RABGAP1L: variants seen among roughly 807,000 people sequenced by gnomAD.
The protein encoded by RABGAP1L is RAB GTPase activating protein 1 like, also known as rab GTPase-activating protein 1-like.
RABGAP1L carries 63 observed loss-of-function variants against 137.7 expected under a neutral mutation model. The ratio of observed to expected loss-of-function variants is 0.46; its 90% CI spans 0.37 to 0.56. The LOEUF is 0.56. Among genes scored for constraint, RABGAP1L ranks in the 20% least tolerant of loss-of-function variants. The pLI is 0.00. For synonymous variants in RABGAP1L, 431 were observed against 433.7 expected, an observed-to-expected ratio of 0.99 and a Z score of 0.08; for missense variants, 1,095 against 1,244.0, an observed-to-expected ratio of 0.88 and a Z score of 1.80.
intron 19 of RABGAP1L, 40 bp from the exon 20 acceptor site, chr1:174,957,417 G>A: frequency 6.7e-7 from 1 of 1,501,252 alleles, no homozygotes. Context: ...TTTCATAAAT[G>A]GTGTCCTTGT....
Position 174,469,480 on chromosome 1 carries a change from C to G in RABGAP1L, c.1710+75335C>G, listed in dbSNP as rs1195164958. Among the ~76,000 whole-genome samples, 5 of 152,154 alleles carry G rather than the reference C, an allele frequency of 3.3e-5. No homozygotes were observed. The East Asian group carries it at 9.6e-4, about 29-fold the overall frequency. Reference sequence around the variant, plus strand: ...CAGATTTTCAGCAACTACCTTAGTCCTCCTAAATCAGAATATCTACAATGT... The same window carrying G: ...CAGATTTTCAGCAACTACCTTAGTCGTCCTAAATCAGAATATCTACAATGT... On this transcript the variant is annotated intron_variant, in intron 13 of 25. Coordinates refer to ENST00000681986, the MANE Select transcript of RABGAP1L (RefSeq NM_001366446.1).
chr1:174,354,246 T>C (rs1473083985), intron 11 of RABGAP1L, among the ~76,000 whole-genome samples: 1 of 151,750 alleles, frequency 6.6e-6, no homozygotes, highest in Non-Finnish European at 1.5e-5. Flanking sequence ...TTCTTTTTTT[T>C]TTAAATTCAA....
chr1:174,244,129 A>G (rs1672057715), intron 5 of RABGAP1L, among the ~76,000 whole-genome samples: 1 of 152,124 alleles, frequency 6.6e-6, no homozygotes, highest in Admixed American at 6.5e-5. Flanking sequence ...TGGTTCCCAG[A>G]AGTTTTCTGT....
At chr1:174,172,644 T>G (rs1665513357) in intron 1 of RABGAP1L, among the ~76,000 whole-genome samples, 2 of 152,218 alleles carry the variant, frequency 1.3e-5, no homozygotes, top group Non-Finnish European at 2.9e-5. Context: ...TTTGTATGTC[T>G]TCTTTGGAAA....
At chr1:174,630,211 T>C (rs1340283167) in intron 13 of RABGAP1L, among the ~76,000 whole-genome samples, 4 of 148,522 alleles carry the variant, frequency 2.7e-5, no homozygotes, top group Non-Finnish European at 5.9e-5. Context: ...TTTGCGTATA[T>C]TGAACCAGCC....
rs1157661098 is a variant in RABGAP1L, at chr1:174,747,422, A to C, written c.2170-4891A>C. Reference sequence around the variant, plus strand: ...ATCTCTAAAAAAAAAAAAAAAAAAAAAAAACCTGATAGAATAACAAGTTCT... The same window carrying C: ...ATCTCTAAAAAAAAAAAAAAAAAAACAAAACCTGATAGAATAACAAGTTCT... On this transcript the variant is annotated intron_variant, in intron 17 of 25. Coordinates refer to ENST00000681986, the MANE Select transcript of RABGAP1L (RefSeq NM_001366446.1). 5.9e-5 allele frequency among the ~76,000 whole-genome samples: 9 copies of C among 151,654 alleles called. No individual in the cohort carries two copies. The East Asian group carries it at 9.7e-4, about 16-fold the overall frequency.
intron 7 of RABGAP1L, among the ~76,000 whole-genome samples, chr1:174,256,887 C>G (rs1265547272): frequency 1.3e-5 from 2 of 152,164 alleles, no homozygotes; most frequent in Admixed American, 1.3e-4. Context: ...TGGATCTAGT[C>G]TGTACTATGA....
At chr1:174,595,957 G>T (rs1270983664) in intron 13 of RABGAP1L, among the ~76,000 whole-genome samples, 1 of 102,630 alleles carries the variant, frequency 9.7e-6, no homozygotes, top group African/African-American at 6.0e-5. Flanking sequence ...CCCCAGCCTC[G>T]TTGCCGCCTT....
chr1:174,196,945 T>C (rs1009227619), intron 1 of RABGAP1L, among the ~76,000 whole-genome samples: 2 of 152,162 alleles, frequency 1.3e-5, no homozygotes, highest in Non-Finnish European at 2.9e-5. Flanking sequence ...GAATTTGAGA[T>C]GTTTTATAAC....
At chr1:174,483,441 A>G (rs1392156560) in intron 13 of RABGAP1L, among the ~76,000 whole-genome samples, 1 of 152,174 alleles carries the variant, frequency 6.6e-6, no homozygotes, top group Non-Finnish European at 1.5e-5. Flanking sequence ...TTCACGTTTC[A>G]TCCATGTTGT....
chr1:174,176,741 A>AAAAAAAAAAAAAATAAAAT (rs755688394), intron 1 of RABGAP1L, among the ~76,000 whole-genome samples: 3 of 111,778 alleles, frequency 2.7e-5, no homozygotes, highest in Non-Finnish European at 5.5e-5. Flanking sequence ...AAAAAAAAAA[A>AAAAAAAAAAAAAATAAAAT]AAAAAGGTCA....
intron 11 of RABGAP1L, among the ~76,000 whole-genome samples, chr1:174,306,463 G>C (rs1678258940): frequency 6.6e-6 from 1 of 152,176 alleles, no homozygotes; most frequent in African/African-American, 2.4e-5. Flanking sequence ...CATTCTAACT[G>C]GTGTGAGATG....
intron 13 of RABGAP1L, among the ~76,000 whole-genome samples, chr1:174,636,178 C>G (rs115640475): frequency 0.021 from 3,205 of 152,190 alleles, 51 homozygotes; most frequent in Middle Eastern, 0.085. Flanking sequence ...TAGAATTTCA[C>G]TCAATTTGGG....
intron 19 of RABGAP1L, among the ~76,000 whole-genome samples, chr1:174,877,971 T>C (rs924050454): frequency 2.0e-5 from 3 of 152,220 alleles, no homozygotes; most frequent in Admixed American, 6.5e-5. Flanking sequence ...CATCTGAGAA[T>C]TGAGCTACCT....
chr1:174,178,108 G>A (rs556308419), intron 1 of RABGAP1L, among the ~76,000 whole-genome samples: 28 of 152,246 alleles, frequency 1.8e-4, no homozygotes, highest in East Asian at 5.8e-4. Flanking sequence ...CTTCCTATCC[G>A]TGAGTATGGA....
At chr1:174,955,298 G>A (rs1668350626) in intron 19 of RABGAP1L, among the ~76,000 whole-genome samples, 1 of 152,188 alleles carries the variant, frequency 6.6e-6, no homozygotes, top group Non-Finnish European at 1.5e-5. Flanking sequence ...GTTGTTGACT[G>A]GTTTCTATCA....
At chr1:174,311,404 A>G (rs1473805281) in intron 11 of RABGAP1L, among the ~76,000 whole-genome samples, 1 of 152,156 alleles carries the variant, frequency 6.6e-6, no homozygotes, top group Non-Finnish European at 1.5e-5. Context: ...GGGGACTACA[A>G]TTCAAGATGA....
At chr1:174,648,376 T>C (rs1487521975) in intron 14 of RABGAP1L, among the ~76,000 whole-genome samples, 2 of 152,184 alleles carry the variant, frequency 1.3e-5, no homozygotes, top group Non-Finnish European at 2.9e-5. Context: ...ACGCTTTAAC[T>C]GTGTCCCAGA....
chr1:174,659,039 C>T (rs1016277249), intron 14 of RABGAP1L, among the ~76,000 whole-genome samples: 4 of 152,108 alleles, frequency 2.6e-5, no homozygotes, highest in African/African-American at 9.7e-5. Context: ...CAGGCAGCTC[C>T]ATATTCATTC....
Sources: allele counts gnomAD v4.1 joint callset (sites outside exome capture counted in the v4.1 genomes callset), GRCh38; gene constraint gnomAD v4.1.1; transcripts MANE v1.5; gene names NCBI Gene and HGNC (gene_info 2026-07-23, HGNC 2026-07-21).